Variants in MYO3B observed in about 807,000 individuals in gnomAD.
MYO3B encodes the protein myosin IIIB, also known as myosin-IIIb.
Under a neutral mutation model 174.6 loss-of-function variants are expected in MYO3B, and 156 were observed. That is an observed-to-expected ratio of 0.89 (90% confidence interval 0.78 to 1.02). MYO3B has a LOEUF of 1.02. MYO3B is among the 50% of genes least tolerant of loss of function. The probability of loss-of-function intolerance (pLI) is 0.00; values close to 1 mark genes in which losing one functional copy is unlikely to be tolerated. For missense variants in MYO3B, 1,632 were observed against 1,639.4 expected (o/e 1.00, Z 0.08); for synonymous variants, 563 against 569.1 (o/e 0.99, Z 0.15).
intron 22 of MYO3B, among the ~76,000 whole-genome samples, chr2:170,426,816 G>A (rs1399836201): frequency 1.3e-5 from 2 of 151,866 alleles, no homozygotes; most frequent in African/African-American, 2.4e-5. Flanking sequence ...TCAGGAGTTC[G>A]AGACCAGCCT....
At chr2:170,473,804 C>T (rs1685137160) in intron 25 of MYO3B, among the ~76,000 whole-genome samples, 1 of 152,080 alleles carries the variant, frequency 6.6e-6, no homozygotes. Context: ...ACAAGGAAGA[C>T]TCTCTCGTTT....
intron 16 of MYO3B, among the ~76,000 whole-genome samples, chr2:170,393,084 CTT>C (rs11427527): frequency 1.8e-3 from 241 of 133,670 alleles, no homozygotes; most frequent in East Asian, 4.5e-3. Context: ...TACTGTACTA[CTT>C]TTTTTTTTTT....
chr2:170,304,885 A>T (rs926649413), intron 7 of MYO3B, among the ~76,000 whole-genome samples: 1 of 150,044 alleles, frequency 6.7e-6, no homozygotes, highest in Non-Finnish European at 1.5e-5. Flanking sequence ...TTGGCCTTCT[A>T]ATTTTGTTTA....
chr2:170,317,483 C>T (rs1203988928), intron 7 of MYO3B, among the ~76,000 whole-genome samples: 1 of 152,090 alleles, frequency 6.6e-6, no homozygotes, highest in African/African-American at 2.4e-5. Flanking sequence ...TTTTGAAAAA[C>T]ATGGAGTTAG....
intron 8 of MYO3B, among the ~76,000 whole-genome samples, chr2:170,336,679 G>GC (rs1193274680): frequency 6.6e-6 from 1 of 152,136 alleles, no homozygotes; most frequent in Non-Finnish European, 1.5e-5. Flanking sequence ...ATAGTGTGCT[G>GC]CCCCATATCC....
intron 32 of MYO3B, among the ~76,000 whole-genome samples, chr2:170,619,851 A>G (rs1695765514): frequency 6.9e-6 from 1 of 144,680 alleles, no homozygotes; most frequent in Non-Finnish European, 1.5e-5. Context: ...GGTTCAAGCA[A>G]TTCTCCTGCC....
At chr2:170,263,336 G>T (rs560724054) in intron 7 of MYO3B, among the ~76,000 whole-genome samples, 13 of 152,290 alleles carry the variant, frequency 8.5e-5, no homozygotes, top group African/African-American at 2.2e-4. Flanking sequence ...ACACCTGTGG[G>T]TGTTTCTTGT....
chr2:170,565,264 A>G (rs990678015), intron 32 of MYO3B, among the ~76,000 whole-genome samples: 3 of 152,206 alleles, frequency 2.0e-5, no homozygotes, highest in Non-Finnish European at 4.4e-5. Context: ...CAATCTGCCA[A>G]TATATTATTT....
At chr2:170,518,960 C>T (rs981300735) in intron 29 of MYO3B, among the ~76,000 whole-genome samples, 6 of 152,200 alleles carry the variant, frequency 3.9e-5, no homozygotes, top group African/African-American at 1.4e-4. Context: ...TGTCCTCAAT[C>T]AAAATGTGGA....
At chr2:170,401,397 A>G in intron 17 of MYO3B, 84 bp from the exon 18 acceptor site, 2 of 1,273,744 alleles carry the variant, frequency 1.6e-6, no homozygotes, top group Non-Finnish European at 2.2e-6. Context: ...AGTCTGGCAC[A>G]TAGTAGATGT....
At chr2:170,564,547 A>T (rs6706243) in intron 32 of MYO3B, among the ~76,000 whole-genome samples, 26,214 of 152,208 alleles carry the variant, frequency 0.17, 3,184 homozygotes, top group African/African-American at 0.33. Flanking sequence ...TGCAAATAAA[A>T]TGAAGTTATT....
chr2:170,572,825 TTA>T (rs1448053082), intron 32 of MYO3B, among the ~76,000 whole-genome samples: 5 of 152,276 alleles, frequency 3.3e-5, no homozygotes, highest in Admixed American at 3.3e-4. Flanking sequence ...CAATGTAATA[TTA>T]TGTCGTGAAT....
intron 6 of MYO3B, among the ~76,000 whole-genome samples, chr2:170,223,543 C>T (rs1281757138): frequency 1.3e-5 from 2 of 152,128 alleles, no homozygotes; most frequent in African/African-American, 4.8e-5. Flanking sequence ...GACTGGAATC[C>T]ATATTTTGTG....
intron 30 of MYO3B, among the ~76,000 whole-genome samples, chr2:170,533,096 C>T (rs776436037): frequency 6.6e-5 from 10 of 152,122 alleles, no homozygotes; most frequent in Non-Finnish European, 1.5e-4. Context: ...CTTTAGACTC[C>T]TGATCTTTCT....
intron 23 of MYO3B, among the ~76,000 whole-genome samples, chr2:170,453,476 G>A (rs1477134626): frequency 6.6e-6 from 1 of 151,342 alleles, no homozygotes; most frequent in Non-Finnish European, 1.5e-5. Context: ...GAGAAAGAGA[G>A]AGCGACCAAC....
At position 170,205,387 on chromosome 2, in the gene MYO3B, C is replaced by T. The variant is rs367775272; in HGVS notation, c.321+5103C>T. Reference sequence around the variant, plus strand: ...GGGTTGCATTTTCTGGGATCATCACCCAGCATTTAATTTAAAATTTCTCTC... The same window carrying T: ...GGGTTGCATTTTCTGGGATCATCACTCAGCATTTAATTTAAAATTTCTCTC... On this transcript the variant is annotated intron_variant, in intron 3 of 34. Coordinates refer to ENST00000408978, the MANE Select transcript of MYO3B (RefSeq NM_138995.5). 3.9e-5 allele frequency among the ~76,000 whole-genome samples: 6 copies of T among 152,164 alleles called. No homozygotes were observed. The East Asian group carries it at 9.7e-4, about 24-fold the overall frequency.
intron 7 of MYO3B, among the ~76,000 whole-genome samples, chr2:170,328,940 C>T (rs928749618): frequency 2.6e-5 from 4 of 152,078 alleles, no homozygotes; most frequent in African/African-American, 7.2e-5. Context: ...CAAGGCAGAT[C>T]ACCTGAGGTT....
intron 3 of MYO3B, among the ~76,000 whole-genome samples, chr2:170,207,320 G>C (rs1027654638): frequency 6.6e-6 from 1 of 152,134 alleles, no homozygotes; most frequent in Non-Finnish European, 1.5e-5. Context: ...GGCTCCAGTT[G>C]CATGACCATT....
chr2:170,487,122 A>C (rs929094979), intron 25 of MYO3B, among the ~76,000 whole-genome samples: 4 of 152,238 alleles, frequency 2.6e-5, no homozygotes. Flanking sequence ...GGTGGTCTGC[A>C]CATGACTGTT....
Sources: gnomAD v4.1 joint callset for allele counts (sites outside exome capture counted in the v4.1 genomes callset) on GRCh38, gnomAD v4.1.1 for gene constraint, MANE v1.5 for transcripts, NCBI Gene and HGNC (gene_info 2026-07-23, HGNC 2026-07-21) for gene names.